FANCL: variants seen among roughly 807,000 people sequenced by gnomAD.
The protein encoded by FANCL is FA complementation group L.
In FANCL, 69 loss-of-function variants were observed where a neutral mutation model predicts 59.4. The ratio of observed to expected loss-of-function variants is 1.16; its 90% CI spans 0.96 to 1.42. FANCL has a LOEUF of 1.42. Among genes scored for constraint, FANCL ranks in the 40% most tolerant of loss-of-function variants. The pLI, the probability that FANCL is intolerant of heterozygous loss-of-function variation, is 0.00. For synonymous variants in FANCL, 180 were observed against 147.1 expected (o/e 1.22, Z -1.62); for missense variants, 519 against 447.2 (o/e 1.16, Z -1.45).
At chr2:58,182,005 G>GA (rs1477526773) in intron 7 of FANCL, among the ~76,000 whole-genome samples, 2 of 151,276 alleles carry the variant, frequency 1.3e-5, no homozygotes, top group African/African-American at 2.4e-5. Context: ...CGTCTTCTCA[G>GA]AAAAAAAGCT....
chr2:58,218,315 T>C (rs181652262), intron 5 of FANCL, among the ~76,000 whole-genome samples: 13 of 151,732 alleles, frequency 8.6e-5, no homozygotes, highest in Admixed American at 7.2e-4. Context: ...ATATTAATGA[T>C]AAAAAAATAT....
chr2:58,239,596 CTCTA>C (rs1266334417), intron 1 of FANCL, among the ~76,000 whole-genome samples: 1 of 152,154 alleles, frequency 6.6e-6, no homozygotes, highest in Non-Finnish European at 1.5e-5. Flanking sequence ...GAAATATGGA[CTCTA>C]TCTTAGATAA....
At chr2:58,160,231 G>C (rs941825695) in intron 12 of FANCL, 52 bp from the exon 13 acceptor site, 1 of 1,531,502 alleles carries the variant, frequency 6.5e-7, no homozygotes, top group Non-Finnish European at 9.0e-7. Flanking sequence ...ACAAATTACA[G>C]ATACTCCAAA....
intron 11 of FANCL, 21 bp from the exon 12 acceptor site, chr2:58,161,659 T>C (rs371522975): frequency 3.1e-5 from 47 of 1,508,648 alleles, no homozygotes; most frequent in Non-Finnish European, 4.1e-5. Context: ...AAAATATTTA[T>C]AAAAAGCGTA....
At chr2:58,204,018 A>G in intron 6 of FANCL, 112 bp downstream of exon 6, 1 of 841,442 alleles carries the variant, frequency 1.2e-6, no homozygotes, top group South Asian at 1.4e-5. Context: ...GTTTTAAAGC[A>G]TGATATATGT....
intron 7 of FANCL, among the ~76,000 whole-genome samples, chr2:58,166,992 T>C (rs1239957119): frequency 1.3e-5 from 2 of 152,166 alleles, no homozygotes; most frequent in African/African-American, 4.8e-5. Context: ...GGTGCGCAGA[T>C]CACGAGGTCA....
chr2:58,185,125 T>C (rs752265733), intron 7 of FANCL, among the ~76,000 whole-genome samples: 6 of 152,020 alleles, frequency 3.9e-5, no homozygotes, highest in Admixed American at 1.3e-4. Context: ...TTCCCTGATA[T>C]GGAATCTAAT....
intron 7 of FANCL, among the ~76,000 whole-genome samples, chr2:58,168,160 A>C (rs1453475155): frequency 6.6e-6 from 1 of 152,196 alleles, no homozygotes; most frequent in African/African-American, 2.4e-5. Context: ...GGTGGCTGGC[A>C]AGATGGCCAA....
chr2:58,178,385 G>A (rs567258574), intron 7 of FANCL, among the ~76,000 whole-genome samples: 2 of 151,988 alleles, frequency 1.3e-5, no homozygotes, highest in African/African-American at 2.4e-5. Context: ...TATCTACCAC[G>A]ATCAAGTTGG....
At chr2:58,197,400 G>T (rs1558782154) in intron 7 of FANCL, among the ~76,000 whole-genome samples, 1 of 151,904 alleles carries the variant, frequency 6.6e-6, no homozygotes, top group Non-Finnish European at 1.5e-5. Flanking sequence ...CGGAATATTT[G>T]TAAAATGTCA....
Position 58,167,823 on chromosome 2 carries a change from T to C in FANCL, c.541-1949A>G, listed in dbSNP as rs556962180. On this transcript the variant is annotated intron_variant, in intron 7 of 13. Coordinates refer to ENST00000233741, the MANE Select transcript of FANCL (RefSeq NM_018062.4). The stretch of plus-strand genomic sequence containing the variant: ...GATCAAAAATGTGACAAGTTGGACA[T>C]AGAAACACTTCTCTTAGCAATTTCA... Among the ~76,000 whole-genome samples the C allele has an allele frequency of 2.6e-4, 39 of 152,272 alleles. No individual in the cohort carries two copies. The East Asian group carries it at 2.7e-3, about 11-fold the overall frequency.
At chr2:58,225,689 TCTAA>T (rs1254752223) in intron 4 of FANCL, among the ~76,000 whole-genome samples, 12 of 152,120 alleles carry the variant, frequency 7.9e-5, no homozygotes, top group Admixed American at 2.0e-4. Context: ...AGCCTCTAGA[TCTAA>T]CTGCCAGATT....
At chr2:58,240,471 G>A (rs1223633224) in intron 1 of FANCL, among the ~76,000 whole-genome samples, 4 of 152,188 alleles carry the variant, frequency 2.6e-5, no homozygotes, top group Admixed American at 1.3e-4. Context: ...ATTCTGATGT[G>A]ATCATCAGCA....
At chr2:58,188,591 C>T (rs112156290) in intron 7 of FANCL, among the ~76,000 whole-genome samples, 1 of 151,848 alleles carries the variant, frequency 6.6e-6, no homozygotes, top group Non-Finnish European at 1.5e-5. Flanking sequence ...AGACACGTTG[C>T]CCCCACACCC....
intron 11 of FANCL, 63 bp from the exon 12 acceptor site, chr2:58,161,701 T>C (rs1685200194): frequency 1.8e-6 from 2 of 1,081,206 alleles, no homozygotes; most frequent in East Asian, 4.9e-5. Context: ...TTGTACATAT[T>C]TGGGAGGGTA....
chr2:58,214,447 T>G (rs538927908), intron 5 of FANCL, among the ~76,000 whole-genome samples: 1 of 152,302 alleles, frequency 6.6e-6, no homozygotes, highest in South Asian at 2.1e-4. Flanking sequence ...CATAATTCAG[T>G]ATTACTATGA....
At position 58,162,985 on chromosome 2, in the gene FANCL, G is replaced by C. The variant is rs778413514; in HGVS notation, c.822-38C>G. On this transcript the variant is annotated intron_variant, in intron 10 of 13. Coordinates refer to ENST00000233741, the MANE Select transcript of FANCL (RefSeq NM_018062.4). Reference sequence around the variant, plus strand: ...GGAAAAAAATTATGCTGTGAACTTTGTAAAATCACCAAAAAGTAAAAATTA... The same window carrying C: ...GGAAAAAAATTATGCTGTGAACTTTCTAAAATCACCAAAAAGTAAAAATTA... 58 of 1,611,750 alleles carry C rather than the reference G, an allele frequency of 3.6e-5. 1 individual carries two copies. The South Asian group carries it at 4.3e-4, about 12-fold the overall frequency.
At chr2:58,204,962 G>C (rs1183078418) in intron 5 of FANCL, among the ~76,000 whole-genome samples, 1 of 152,032 alleles carries the variant, frequency 6.6e-6, no homozygotes, top group Non-Finnish European at 1.5e-5. Context: ...GGTCCCTTGA[G>C]TAGCATAAGC....
chr2:58,188,051 T>G (rs927487422), intron 7 of FANCL, among the ~76,000 whole-genome samples: 12 of 152,200 alleles, frequency 7.9e-5, no homozygotes, highest in African/African-American at 2.9e-4. Flanking sequence ...AGCTTTATAT[T>G]TATGTTTTTA....
Sources: gnomAD v4.1 joint callset for allele counts (sites outside exome capture counted in the v4.1 genomes callset) on GRCh38, gnomAD v4.1.1 for gene constraint, MANE v1.5 for transcripts, NCBI Gene and HGNC (gene_info 2026-07-23, HGNC 2026-07-21) for gene names.